Variants in MRPL1 observed in about 807,000 individuals in gnomAD.
MRPL1 encodes large ribosomal subunit protein uL1m.
In MRPL1, 28 loss-of-function variants were observed where a neutral mutation model predicts 38.0. That is an observed-to-expected ratio of 0.74 (90% CI 0.55 to 1.01). MRPL1 has a LOEUF of 1.01. Among genes scored for constraint, MRPL1 ranks in the 50% least tolerant of loss-of-function variants. The pLI, the probability that MRPL1 is intolerant of heterozygous loss-of-function variation, is 0.00. For missense variants in MRPL1, 358 were observed against 389.8 expected (o/e 0.92, Z 0.69); for synonymous variants, 123 against 126.7 (o/e 0.97, Z 0.20).
At chr4:77,868,516 C>G (rs186949490) in intron 1 of MRPL1, among the ~76,000 whole-genome samples, 2 of 152,282 alleles carry the variant, frequency 1.3e-5, no homozygotes, top group Middle Eastern at 3.4e-3. Context: ...GCTGGGATTA[C>G]CGGCATGAGC....
chr4:77,874,788 T>C (rs1425991450), intron 2 of MRPL1, among the ~76,000 whole-genome samples: 1 of 150,988 alleles, frequency 6.6e-6, no homozygotes, highest in African/African-American at 2.4e-5. Flanking sequence ...TTTTCTTTTT[T>C]TTTTTTTTTT....
chr4:77,872,318 C>T (rs1216669957), intron 2 of MRPL1, among the ~76,000 whole-genome samples: 1 of 151,992 alleles, frequency 6.6e-6, no homozygotes, highest in Non-Finnish European at 1.5e-5. Context: ...TTCTTTCTGT[C>T]CTTTAAATTA....
chr4:77,874,855 C>T (rs1298895628), intron 2 of MRPL1, among the ~76,000 whole-genome samples: 2 of 148,998 alleles, frequency 1.3e-5, no homozygotes, highest in Non-Finnish European at 3.0e-5. Flanking sequence ...AATCTCAGCT[C>T]ACTGCAACCT....
At chr4:77,917,242 T>C (rs1174146037) in intron 7 of MRPL1, among the ~76,000 whole-genome samples, 3 of 152,176 alleles carry the variant, frequency 2.0e-5, no homozygotes, top group African/African-American at 7.2e-5. Context: ...CCTTTTACCA[T>C]AGACCGTTTC....
chr4:77,899,705 C>A (rs1735995655), intron 6 of MRPL1, among the ~76,000 whole-genome samples: 1 of 151,632 alleles, frequency 6.6e-6, no homozygotes, highest in Non-Finnish European at 1.5e-5. Context: ...GGAGGAAATA[C>A]TTGATCGTAT....
intron 1 of MRPL1, among the ~76,000 whole-genome samples, chr4:77,866,583 A>G (rs1244738585): frequency 1.3e-5 from 2 of 151,920 alleles, no homozygotes; most frequent in Admixed American, 6.6e-5. Flanking sequence ...CCTCTTCTCC[A>G]TCTATCCTCC....
At chr4:77,872,530 G>A (rs1426171754) in intron 2 of MRPL1, among the ~76,000 whole-genome samples, 2 of 152,050 alleles carry the variant, frequency 1.3e-5, no homozygotes, top group African/African-American at 4.8e-5. Context: ...TCAGGAGTTC[G>A]AGACCAGCCT....
intron 7 of MRPL1, among the ~76,000 whole-genome samples, chr4:77,935,456 G>C (rs1380625254): frequency 6.6e-6 from 1 of 151,748 alleles, no homozygotes; most frequent in African/African-American, 2.4e-5. Flanking sequence ...GTGCAGTGGC[G>C]CATCTTGGCT....
intron 5 of MRPL1, among the ~76,000 whole-genome samples, chr4:77,891,349 G>GT (rs797018478): frequency 0.02 from 2,444 of 124,922 alleles, 34 homozygotes; most frequent in African/African-American, 0.03. Flanking sequence ...AGTTTTTTTT[G>GT]TTTTTTTTTT....
rs549774363 is a variant in MRPL1, at chr4:77,908,176, T to A, written c.671-1090T>A. On this transcript the variant is annotated intron_variant, in intron 6 of 8. Coordinates refer to ENST00000315567, the MANE Select transcript of MRPL1 (RefSeq NM_020236.4). The stretch of plus-strand genomic sequence containing the variant: ...CTAAATGTTTCTGCTTTTTAGTTTT[T>A]TTTTTCTTTCACTTCTTTATGGTAG... The A allele has an allele frequency of 2.1e-4, 33 of 155,244 alleles. No homozygotes were observed. In the South Asian group the frequency reaches 5.7e-3, roughly 27 times the overall value. The allele number at this position is 155,244 out of a possible 1,614,324, so 9.6% of individuals were successfully genotyped here.
intron 1 of MRPL1, among the ~76,000 whole-genome samples, chr4:77,866,177 G>A (rs1006763714): frequency 1.1e-4 from 16 of 152,172 alleles, no homozygotes; most frequent in African/African-American, 3.4e-4. Flanking sequence ...TCAGCCTCCC[G>A]AGGAGCTGGG....
chr4:77,938,414 ACCTTTAAATC>A (rs1737039312), intron 7 of MRPL1, among the ~76,000 whole-genome samples: 1 of 152,188 alleles, frequency 6.6e-6, no homozygotes, highest in Non-Finnish European at 1.5e-5. Context: ...TAAGACCTTT[ACCTTTAAATC>A]CCTTTGCAAC....
chr4:77,896,328 A>G (rs935858597), intron 6 of MRPL1, among the ~76,000 whole-genome samples: 6 of 152,110 alleles, frequency 3.9e-5, no homozygotes, highest in African/African-American at 1.4e-4. Flanking sequence ...AACTTCACAT[A>G]TCATGGTCAA....
intron 7 of MRPL1, among the ~76,000 whole-genome samples, chr4:77,917,232 C>G (rs1000540122): frequency 3.3e-5 from 5 of 152,160 alleles, no homozygotes; most frequent in African/African-American, 9.7e-5. Flanking sequence ...CCTATTGACT[C>G]CTTTTACCAT....
Position 77,909,369 on chromosome 4 carries a change from A to G in MRPL1, c.774A>G (p.Ala258=), listed in dbSNP as rs1669951253. 1 of 1,521,306 alleles carries G rather than the reference A, an allele frequency of 6.6e-7. No homozygotes were observed. Among genetic ancestry groups the G allele is most frequent in the Non-Finnish European group, 9.1e-7 (1 of 1,100,880 alleles). The allele number at this position is 1,521,306 out of a possible 1,614,324, so 94.2% of individuals were successfully genotyped here. A position where few individuals can be genotyped will look rare whatever the true frequency, so the allele number is the denominator to read the frequency against. The change falls in exon 7 of 9, where the codon GCA becomes GCG. Residue 258 remains alanine, a synonymous_variant. Transcript: ENST00000315567. ...AGAACTTTCTCCAGACCAAAATAGCAACAGTAAGTTACAATGAAAATTATC... is the reference window on the plus strand; with the variant it reads ...AGAACTTTCTCCAGACCAAAATAGCGACAGTAAGTTACAATGAAAATTATC... ...ERENFLQTKI[A]TLDMSSDQIA... is the part of the protein sequence containing the mutation.
intron 2 of MRPL1, 95 bp from the exon 3 acceptor site, chr4:77,883,147 C>T: frequency 2.6e-6 from 2 of 774,762 alleles, no homozygotes; most frequent in East Asian, 2.9e-5. Flanking sequence ...ATAATTCATC[C>T]TTTGTTTTTT....
At chr4:77,873,242 A>G (rs1037908815) in intron 2 of MRPL1, among the ~76,000 whole-genome samples, 2 of 152,234 alleles carry the variant, frequency 1.3e-5, no homozygotes, top group African/African-American at 4.8e-5. Flanking sequence ...AAGCATAGAT[A>G]CTATTGTAAG....
chr4:77,873,344 A>C (rs543095716), intron 2 of MRPL1, among the ~76,000 whole-genome samples: 7 of 152,218 alleles, frequency 4.6e-5, no homozygotes, highest in Non-Finnish European at 5.9e-5. Flanking sequence ...ATTTCAGCCT[A>C]AATTTTCTGA....
At chr4:77,930,648 G>T (rs1344494132) in intron 7 of MRPL1, among the ~76,000 whole-genome samples, 2 of 152,176 alleles carry the variant, frequency 1.3e-5, no homozygotes, top group Non-Finnish European at 2.9e-5. Flanking sequence ...AACCCTGTCA[G>T]TGAGTGGCAG....
Sources: allele counts gnomAD v4.1 joint callset (sites outside exome capture counted in the v4.1 genomes callset), GRCh38; gene constraint gnomAD v4.1.1; transcripts MANE v1.5; gene names NCBI Gene and HGNC (gene_info 2026-07-23, HGNC 2026-07-21).